MYOZ2: variants seen among roughly 807,000 people sequenced by gnomAD.
The protein encoded by MYOZ2 is myozenin-2.
In MYOZ2, 19 loss-of-function variants were observed where a neutral mutation model predicts 25.4. The ratio of observed to expected loss-of-function variants is 0.75; its 90% CI spans 0.52 to 1.10. The LOEUF (loss-of-function observed/expected upper bound fraction) is 1.10, where lower values mean the gene tolerates loss of function less well. MYOZ2 is among the 50% of genes least tolerant of loss of function. MYOZ2 has a pLI of 0.00. For missense variants in MYOZ2, 270 were observed against 317.9 expected (o/e 0.85, Z 1.15); for synonymous variants, 92 against 106.9 (o/e 0.86, Z 0.86).
At chr4:119,158,441 A>C (rs942809449) in intron 4 of MYOZ2, among the ~76,000 whole-genome samples, 1 of 152,038 alleles carries the variant, frequency 6.6e-6, no homozygotes, top group African/African-American at 2.4e-5. Context: ...TTGTAGTCCC[A>C]GCTACTTGGG....
intron 2 of MYOZ2, among the ~76,000 whole-genome samples, chr4:119,147,755 A>AAAAAAT (rs1553957921): frequency 6.0e-5 from 9 of 150,516 alleles, no homozygotes; most frequent in South Asian, 2.1e-4. Context: ...AAAAAAAAAA[A>AAAAAAT]AATCTACTTT....
At chr4:119,148,527 C>T (rs922581700) in intron 2 of MYOZ2, among the ~76,000 whole-genome samples, 5 of 151,992 alleles carry the variant, frequency 3.3e-5, no homozygotes, top group Non-Finnish European at 5.9e-5. Context: ...AAGAATACCT[C>T]GTTCATTTGT....
At chr4:119,152,123 A>G (rs1286925192) in intron 3 of MYOZ2, among the ~76,000 whole-genome samples, 2 of 152,146 alleles carry the variant, frequency 1.3e-5, no homozygotes, top group Non-Finnish European at 2.9e-5. Context: ...AGCATTCTTC[A>G]GCCATCCATT....
At chr4:119,146,430 A>G (rs1741294779) in intron 2 of MYOZ2, among the ~76,000 whole-genome samples, 1 of 151,906 alleles carries the variant, frequency 6.6e-6, no homozygotes. Context: ...TGTATTTTCA[A>G]ATTCGTTTAG....
intron 2 of MYOZ2, among the ~76,000 whole-genome samples, chr4:119,141,335 A>T (rs1741154016): frequency 6.6e-6 from 1 of 152,186 alleles, no homozygotes; most frequent in South Asian, 2.1e-4. Flanking sequence ...TTCTCAGTAT[A>T]AATGACACCA....
chr4:119,148,433 T>G (rs1741359064), intron 2 of MYOZ2, among the ~76,000 whole-genome samples: 1 of 152,124 alleles, frequency 6.6e-6, no homozygotes. Context: ...TAAGTACTTT[T>G]CCAGCCTCCC....
chr4:119,167,468 G>C lies in MYOZ2; in HGVS notation c.560+3074G>C, dbSNP rs771067271. 2.6e-5 allele frequency among the ~76,000 whole-genome samples: 4 copies of C among 152,208 alleles called. No homozygotes were observed. In the South Asian group the frequency reaches 8.3e-4, roughly 32 times the overall value. On this transcript the variant is annotated intron_variant, in intron 5 of 5. Coordinates refer to ENST00000307128, the MANE Select transcript of MYOZ2 (RefSeq NM_016599.5). ...CATCTTCTTAACTTTTATAGCGCAAGGTGAAGCAGCAAGTGCAGATGTAGA... is the reference window on the plus strand; with the variant it reads ...CATCTTCTTAACTTTTATAGCGCAACGTGAAGCAGCAAGTGCAGATGTAGA...
chr4:119,140,903 T>C (rs559962671), intron 2 of MYOZ2, among the ~76,000 whole-genome samples: 1 of 152,166 alleles, frequency 6.6e-6, no homozygotes, highest in African/African-American at 2.4e-5. Flanking sequence ...CAGAGACATA[T>C]GAAATAAGAA....
intron 5 of MYOZ2, among the ~76,000 whole-genome samples, chr4:119,173,739 A>G (rs1741992834): frequency 1.3e-5 from 2 of 152,202 alleles, no homozygotes; most frequent in Admixed American, 1.3e-4. Context: ...TGGGCTGGAC[A>G]AGGCCGGCGC....
At chr4:119,169,373 T>C (rs907148599) in intron 5 of MYOZ2, among the ~76,000 whole-genome samples, 1 of 152,224 alleles carries the variant, frequency 6.6e-6, no homozygotes, top group African/African-American at 2.4e-5. Flanking sequence ...AATTATATCT[T>C]TGGCTTAAAT....
intron 2 of MYOZ2, 51 bp downstream of exon 2, chr4:119,136,652 C>G (rs1416720276): frequency 1.3e-6 from 2 of 1,537,802 alleles, no homozygotes; most frequent in African/African-American, 2.7e-5. Context: ...ATGAATGTGG[C>G]TCCATCCTGA....
At chr4:119,151,945 A>G (rs1741461119) in intron 3 of MYOZ2, among the ~76,000 whole-genome samples, 1 of 152,156 alleles carries the variant, frequency 6.6e-6, no homozygotes, top group African/African-American at 2.4e-5. Context: ...CAAACAGACT[A>G]ATTTCCCTGA....
intron 5 of MYOZ2, among the ~76,000 whole-genome samples, chr4:119,182,719 G>A (rs1264222754): frequency 6.6e-6 from 1 of 152,140 alleles, no homozygotes; most frequent in Non-Finnish European, 1.5e-5. Context: ...GACAGGAGGT[G>A]GAGCTCAGGT....
At chr4:119,159,147 A>C (rs1333063168) in intron 4 of MYOZ2, among the ~76,000 whole-genome samples, 1 of 152,150 alleles carries the variant, frequency 6.6e-6, no homozygotes. Context: ...AAGAGAAAAA[A>C]GAATTAGGGC....
At chr4:119,166,568 G>A (rs758377362) in intron 5 of MYOZ2, among the ~76,000 whole-genome samples, 5 of 151,414 alleles carry the variant, frequency 3.3e-5, no homozygotes, top group East Asian at 3.9e-4. Context: ...TGTCTAGTAC[G>A]TGCATTGCTT....
intron 2 of MYOZ2, among the ~76,000 whole-genome samples, chr4:119,147,406 T>G (rs1274116692): frequency 1.3e-5 from 2 of 152,046 alleles, no homozygotes; most frequent in Non-Finnish European, 2.9e-5. Context: ...CTTATCACAG[T>G]CTACTGATGT....
At chr4:119,185,220 C>T (rs756361495) in intron 5 of MYOZ2, among the ~76,000 whole-genome samples, 3 of 151,664 alleles carry the variant, frequency 2.0e-5, no homozygotes, top group African/African-American at 7.3e-5. Context: ...ATATCACCCA[C>T]GCTGGTCTCA....
chr4:119,162,972 A>C (rs755823100), intron 4 of MYOZ2, among the ~76,000 whole-genome samples: 1 of 152,214 alleles, frequency 6.6e-6, no homozygotes, highest in Non-Finnish European at 1.5e-5. Flanking sequence ...AATTCAGTAG[A>C]GGGCTTGATT....
rs151254072 is a variant in MYOZ2 at position 119,161,923 on chromosome 4, A to G, written c.377-2288A>G. Among the ~76,000 whole-genome samples the G allele has an allele frequency of 3.9e-3, 594 of 152,306 alleles. 2 individuals are homozygous for G. The highest frequency in any genetic ancestry group is 6.0e-3 in the Non-Finnish European group (408 of 68,022). On this transcript the variant is annotated intron_variant, in intron 4 of 5. Coordinates refer to ENST00000307128, the MANE Select transcript of MYOZ2 (RefSeq NM_016599.5). ...CTTGTGTTAGGGTGGTGAGATTTTG[A>G]GGAATTTTAAACAAATTTTATAAAA...
Sources: gnomAD v4.1 joint callset for allele counts (sites outside exome capture counted in the v4.1 genomes callset) on GRCh38, gnomAD v4.1.1 for gene constraint, MANE v1.5 for transcripts, NCBI Gene and HGNC (gene_info 2026-07-23, HGNC 2026-07-21) for gene names.